The following IGF2BP2 variants were observed in gnomAD, a reference collection of about 807,000 sequenced individuals.
The protein encoded by IGF2BP2 is insulin like growth factor 2 mRNA binding protein 2, also known as insulin-like growth factor 2 mRNA-binding protein 2.
A neutral mutation model predicts 75.8 loss-of-function variants in IGF2BP2; 17 were observed. The ratio of observed to expected loss-of-function variants is 0.22; its 90% CI spans 0.15 to 0.34. The LOEUF is 0.34. Among genes scored for constraint, IGF2BP2 ranks in the 10% least tolerant of loss-of-function variants. IGF2BP2 has a pLI of 1.00. For synonymous variants in IGF2BP2, 288 were observed against 295.6 expected, an observed-to-expected ratio of 0.97 and a Z score of 0.26; for missense variants, 516 against 772.4, an observed-to-expected ratio of 0.67 and a Z score of 3.93.
intron 2 of IGF2BP2, among the ~76,000 whole-genome samples, chr3:185,704,444 T>C (rs2149386528): frequency 6.6e-6 from 1 of 152,246 alleles, no homozygotes; most frequent in East Asian, 1.9e-4. Flanking sequence ...AGTCCAACCC[T>C]CTACCCAACT....
Position 185,657,319 on chromosome 3 carries a change from T to C in IGF2BP2, c.1353A>G (p.Lys451=). 1 of 1,614,022 alleles carries C rather than the reference T, an allele frequency of 6.2e-7. No individual in the cohort carries two copies. Among genetic ancestry groups the C allele is most frequent in the Non-Finnish European group, 8.5e-7 (1 of 1,179,938 alleles). The change falls in exon 12 of 16, where the codon AAA becomes AAG. Residue 451 remains lysine, a synonymous_variant. Transcript: ENST00000382199. ...AIIGKKGAHI[K]QLARFAGASI... ...AGGCTCCGGCGAATCTCGCCAGCTG[T>C]TTGATGTGTGCCCCCTTCTTCCCGA...
chr3:185,797,898 A>C (rs1251147839), intron 2 of IGF2BP2, among the ~76,000 whole-genome samples: 1 of 52,886 alleles, frequency 1.9e-5, no homozygotes, highest in African/African-American at 1.7e-4. Context: ...CCTGTCTCTT[A>C]AAAAAAAAAA....
At chr3:185,676,143 T>A (rs1236220898) in intron 7 of IGF2BP2, among the ~76,000 whole-genome samples, 1 of 152,102 alleles carries the variant, frequency 6.6e-6, no homozygotes, top group Non-Finnish European at 1.5e-5. Context: ...TGGAAGTGGA[T>A]CCATGAGGCT....
chr3:185,799,594 CA>C (rs1314503112), intron 2 of IGF2BP2, among the ~76,000 whole-genome samples: 2 of 151,562 alleles, frequency 1.3e-5, no homozygotes, highest in Admixed American at 6.6e-5. Context: ...TAAAAAAATA[CA>C]AAAAAAATTA....
rs1553863094 is a variant in IGF2BP2 at position 185,697,429 on chromosome 3, T to TTA, written c.289-767_289-766insTA. Among the ~76,000 whole-genome samples, 5 of 152,068 alleles carry TTA rather than the reference T, an allele frequency of 3.3e-5. No homozygotes were observed. In the East Asian group the frequency reaches 9.7e-4, roughly 29 times the overall value. ...GCAATAATCGTGTGTTTTTTTTTTT[T>TTA]AAAGTAATAAAAACATTAGATAAAA... On this transcript the variant is annotated intron_variant, in intron 3 of 15. Transcript: ENST00000382199.
intron 2 of IGF2BP2, among the ~76,000 whole-genome samples, chr3:185,736,115 T>C (rs1487241482): frequency 2.0e-5 from 3 of 152,162 alleles, no homozygotes; most frequent in African/African-American, 7.2e-5. Context: ...TTCAGTCCAG[T>C]TTGTTGGATC....
chr3:185,745,578 G>A (rs1373200649), intron 2 of IGF2BP2, among the ~76,000 whole-genome samples: 1 of 152,142 alleles, frequency 6.6e-6, no homozygotes, highest in African/African-American at 2.4e-5. Flanking sequence ...CCAAGAGACG[G>A]CAAGAATGCC....
intron 2 of IGF2BP2, among the ~76,000 whole-genome samples, chr3:185,752,638 G>A (rs923764729): frequency 6.6e-6 from 1 of 151,900 alleles, no homozygotes; most frequent in Admixed American, 6.6e-5. Context: ...CACCCAGGCT[G>A]GAGTGCAGTG....
intron 10 of IGF2BP2, among the ~76,000 whole-genome samples, chr3:185,667,802 G>GT (rs903200894): frequency 6.6e-6 from 1 of 152,176 alleles, no homozygotes; most frequent in African/African-American, 2.4e-5. Context: ...AGATAATCGT[G>GT]TTTTTTACAA....
chr3:185,722,169 A>G (rs76065266), intron 2 of IGF2BP2: 4 of 450,674 alleles, frequency 8.9e-6, no homozygotes, highest in Non-Finnish European at 1.8e-5. Context: ...CCTGGCCTCA[A>G]GCAATCTTCC....
rs538080004 is a variant in IGF2BP2, at chr3:185,689,772, T to A, written c.405-145A>T. 173 of 864,666 alleles carry A rather than the reference T, an allele frequency of 2.0e-4. No individual in the cohort carries two copies. In the East Asian group the frequency reaches 3.5e-3, roughly 18 times the overall value. The allele number at this position is 864,666 out of a possible 1,614,324, so 53.6% of individuals were successfully genotyped here. On this transcript the variant is annotated intron_variant, in intron 5 of 15. Coordinates refer to ENST00000382199, the MANE Select transcript of IGF2BP2 (RefSeq NM_006548.6). ...TCACGAGGTCAGGAGATCGAGACCATCCCGGCTAAAACGGTGAAACCCCGT... is the reference window on the plus strand; with the variant it reads ...TCACGAGGTCAGGAGATCGAGACCAACCCGGCTAAAACGGTGAAACCCCGT...
At chr3:185,691,097 CTTTT>C (rs1007243708) in intron 5 of IGF2BP2, among the ~76,000 whole-genome samples, 2 of 151,454 alleles carry the variant, frequency 1.3e-5, no homozygotes, top group Admixed American at 6.6e-5. Context: ...TTACCTTTTT[CTTTT>C]TTTTTATTTT....
At chr3:185,709,054 A>T (rs1215802637) in intron 2 of IGF2BP2, among the ~76,000 whole-genome samples, 1 of 152,208 alleles carries the variant, frequency 6.6e-6, no homozygotes, top group East Asian at 1.9e-4. Context: ...TCTGTAATTA[A>T]GACTAACGAG....
chr3:185,746,938 G>T (rs1389760783), intron 2 of IGF2BP2, among the ~76,000 whole-genome samples: 2 of 152,136 alleles, frequency 1.3e-5, no homozygotes, highest in African/African-American at 2.4e-5. Flanking sequence ...TTGAGTGTGG[G>T]CTCTTTTTCA....
intron 2 of IGF2BP2, among the ~76,000 whole-genome samples, chr3:185,715,835 G>A (rs1353990876): frequency 2.0e-5 from 3 of 151,912 alleles, no homozygotes; most frequent in Admixed American, 6.6e-5. Flanking sequence ...TAGTAGAGAC[G>A]GGGTTTTGCC....
At chr3:185,735,013 A>C (rs1046195734) in intron 2 of IGF2BP2, among the ~76,000 whole-genome samples, 2 of 152,240 alleles carry the variant, frequency 1.3e-5, no homozygotes, top group African/African-American at 4.8e-5. Context: ...CAAGCTACAA[A>C]AGGCAGTCCT....
chr3:185,787,470 C>T (rs775779570), intron 2 of IGF2BP2, among the ~76,000 whole-genome samples: 20 of 152,200 alleles, frequency 1.3e-4, no homozygotes, highest in Non-Finnish European at 2.6e-4. Flanking sequence ...CGGCGGCTCA[C>T]GCCTGTAATC....
At chr3:185,714,414 C>T (rs75767663) in intron 2 of IGF2BP2, among the ~76,000 whole-genome samples, 52 of 152,304 alleles carry the variant, frequency 3.4e-4, no homozygotes, top group East Asian at 3.3e-3. Flanking sequence ...TCTCACTTTG[C>T]ACGTGTGAGC....
At chr3:185,752,468 C>T (rs1171348724) in intron 2 of IGF2BP2, among the ~76,000 whole-genome samples, 3 of 152,176 alleles carry the variant, frequency 2.0e-5, no homozygotes, top group African/African-American at 4.8e-5. Flanking sequence ...TACTCCAATA[C>T]AGCTGAAACA....
Sources: allele counts gnomAD v4.1 joint callset (sites outside exome capture counted in the v4.1 genomes callset), GRCh38; gene constraint gnomAD v4.1.1; transcripts MANE v1.5; gene names NCBI Gene and HGNC (gene_info 2026-07-23, HGNC 2026-07-21).